P2RY14: variants seen among roughly 807,000 people sequenced by gnomAD.
P2RY14 encodes P2Y purinoceptor 14.
In P2RY14, 2 loss-of-function variants were observed where a neutral mutation model predicts 0.9. The observed-to-expected ratio is 2.16, with a 90% CI of 0.88 to 6.79. The LOEUF is 6.79. Ranked by LOEUF, P2RY14 falls within the 30% of genes most tolerant of loss-of-function variation. The pLI is 0.05. For missense variants in P2RY14, 378 were observed against 400.1 expected, an observed-to-expected ratio of 0.94 and a Z score of 0.47; for synonymous variants, 158 against 147.2, an observed-to-expected ratio of 1.07 and a Z score of -0.53.
At chr3:151,266,905 C>A (rs999379855) in intron 1 of P2RY14, among the ~76,000 whole-genome samples, 4 of 152,174 alleles carry the variant, frequency 2.6e-5, no homozygotes, top group East Asian at 1.9e-4. Context: ...CTTTTATAAA[C>A]CCCCACCTTC....
At position 151,274,445 on chromosome 3, in the gene P2RY14, G is replaced by A. The variant is rs537536578; in HGVS notation, c.-133+3842C>T. ...TGCTTATAGGCATATTTATAGTGGG[G>A]AAAGAGGCAGTGAAATCCTTGTGCA... is the stretch of plus-strand genomic sequence containing the variant. On this transcript the variant is annotated intron_variant, in intron 1 of 2. Coordinates refer to ENST00000309170, the MANE Select transcript of P2RY14 (RefSeq NM_014879.4). 3.9e-5 allele frequency among the ~76,000 whole-genome samples: 6 copies of A among 152,310 alleles called. No individual in the cohort carries two copies. In the South Asian group the frequency reaches 8.3e-4, roughly 21 times the overall value.
At chr3:151,272,052 A>G (rs952442616) in intron 1 of P2RY14, among the ~76,000 whole-genome samples, 1 of 152,242 alleles carries the variant, frequency 6.6e-6, no homozygotes. Flanking sequence ...TCTTGAAGCA[A>G]TACAGATGTT....
At chr3:151,273,370 G>T (rs1374673455) in intron 1 of P2RY14, among the ~76,000 whole-genome samples, 4 of 149,566 alleles carry the variant, frequency 2.7e-5, no homozygotes, top group Admixed American at 2.0e-4. Context: ...TGGGATTACA[G>T]GCACACACCA....
chr3:151,276,147 G>A (rs1465772224), intron 1 of P2RY14, among the ~76,000 whole-genome samples: 1 of 152,198 alleles, frequency 6.6e-6, no homozygotes, highest in Non-Finnish European at 1.5e-5. Context: ...CCAGGACATG[G>A]GGTCACCCAA....
At chr3:151,271,079 T>C (rs1429439801) in intron 1 of P2RY14, among the ~76,000 whole-genome samples, 3 of 150,130 alleles carry the variant, frequency 2.0e-5, no homozygotes, top group Non-Finnish European at 4.4e-5. Context: ...ATTAAGAAAA[T>C]GAAGGCAAGC....
Position 151,213,896 on chromosome 3 carries a change from GA to G in P2RY14, c.420del (p.Leu141CysfsTer3). 2 of 1,614,050 alleles carry G rather than the reference GA, an allele frequency of 1.2e-6. No individual in the cohort carries two copies. Among genetic ancestry groups the G allele is most frequent in the African/African-American group, 2.7e-5 (2 of 75,046 alleles). ...ATGAGCATCCATACTATCACTGACA[GA>G]AGTTTGCTGTAACTCACTGACTGGA... ...SFIQSVSYSK[L>X]LSVIVWMLML... On this transcript the variant is annotated frameshift_variant, in exon 3 of 3. Transcript: ENST00000309170. LOFTEE classifies it low-confidence loss of function (END_TRUNC).
At chr3:151,245,117 G>A (rs951153378) in intron 1 of P2RY14, among the ~76,000 whole-genome samples, 2 of 152,196 alleles carry the variant, frequency 1.3e-5, no homozygotes, top group Non-Finnish European at 2.9e-5. Context: ...TGAAATTGTG[G>A]CAATAACCAA....
intron 1 of P2RY14, among the ~76,000 whole-genome samples, chr3:151,266,650 A>T (rs956642250): frequency 6.6e-6 from 1 of 152,168 alleles, no homozygotes. Context: ...GAAGGAGTGG[A>T]TGAGCAAGTG....
chr3:151,269,176 G>A (rs1262858966), intron 1 of P2RY14, among the ~76,000 whole-genome samples: 1 of 152,156 alleles, frequency 6.6e-6, no homozygotes, highest in Non-Finnish European at 1.5e-5. Flanking sequence ...CAAGGTGGGT[G>A]GATCACCTGA....
At chr3:151,256,005 T>A (rs1177720882) in intron 1 of P2RY14, among the ~76,000 whole-genome samples, 1 of 152,230 alleles carries the variant, frequency 6.6e-6, no homozygotes, top group Non-Finnish European at 1.5e-5. Flanking sequence ...GGGTCTCTTT[T>A]TACTATGACA....
At chr3:151,248,268 A>C (rs761344809) in intron 1 of P2RY14, among the ~76,000 whole-genome samples, 1 of 152,018 alleles carries the variant, frequency 6.6e-6, no homozygotes, top group South Asian at 2.1e-4. Flanking sequence ...TTTAATTCCT[A>C]TTTCTTTCCT....
rs1727400065 is a variant in P2RY14 at position 151,212,833 on chromosome 3, A to T, written c.*467T>A. ...AAAAACCTGACTTTTTATTGCAAAC[A>T]GCTCTCTAGCCCTTCATCAAACTGT... is the stretch of plus-strand genomic sequence containing the variant. On this transcript the variant is annotated 3_prime_UTR_variant, in exon 3 of 3. Transcript: ENST00000309170. 1 of 152,048 alleles carries T rather than the reference A, an allele frequency of 6.6e-6. No individual in the cohort carries two copies. The allele number at this position is 152,048 out of a possible 1,614,324, so 9.4% of individuals were successfully genotyped here. A position where few individuals can be genotyped will look rare whatever the true frequency, so the allele number is the denominator to read the frequency against.
Position 151,253,999 on chromosome 3 carries a change from G to GTT in P2RY14, c.-133+24286_-133+24287dup, listed in dbSNP as rs11453294. ...CTTCTTTTTGTTTTGATTTTTTCTT[G>GTT]TTTTTTTTTTTTGTTAATTTAAACT... On this transcript the variant is annotated intron_variant, in intron 1 of 2. Coordinates refer to ENST00000309170, the MANE Select transcript of P2RY14 (RefSeq NM_014879.4). 9.9e-3 allele frequency among the ~76,000 whole-genome samples: 1,350 copies of GTT among 136,778 alleles called. 10 individuals are homozygous for GTT. The highest frequency in any genetic ancestry group is 0.015 in the South Asian group (62 of 4,266). 89.7% of individuals were successfully genotyped at this position (136,778 alleles called of 152,430 possible). A position where few individuals can be genotyped will look rare whatever the true frequency, so the allele number is the denominator to read the frequency against.
chr3:151,254,616 A>G (rs1737480404), intron 1 of P2RY14, among the ~76,000 whole-genome samples: 1 of 152,238 alleles, frequency 6.6e-6, no homozygotes, highest in South Asian at 2.1e-4. Flanking sequence ...GCTTAAAAGT[A>G]CTTTTGTGAA....
intron 1 of P2RY14, among the ~76,000 whole-genome samples, chr3:151,230,070 C>T (rs979025230): frequency 5.3e-5 from 8 of 151,710 alleles, no homozygotes; most frequent in Admixed American, 2.0e-4. Context: ...GCTGGGTTCA[C>T]GCCATTCTCC....
chr3:151,239,672 G>A (rs1733680438), intron 1 of P2RY14, among the ~76,000 whole-genome samples: 1 of 152,164 alleles, frequency 6.6e-6, no homozygotes, highest in Non-Finnish European at 1.5e-5. Flanking sequence ...GAGGTCCTCA[G>A]TAATTTTTTA....
At position 151,232,539 on chromosome 3, in the gene P2RY14, A is replaced by C. The variant is rs1299451754; in HGVS notation, c.-132-12897T>G. On this transcript the variant is annotated intron_variant, in intron 1 of 2. Coordinates refer to ENST00000309170, the MANE Select transcript of P2RY14 (RefSeq NM_014879.4). ...ATAGCAAAGACATGGAATCAACTTAAATGTCCATCAGTGACAGATTGGATA... is the reference window on the plus strand; with the variant it reads ...ATAGCAAAGACATGGAATCAACTTACATGTCCATCAGTGACAGATTGGATA... 2.0e-5 allele frequency among the ~76,000 whole-genome samples: 3 copies of C among 152,220 alleles called. No individual in the cohort carries two copies. The South Asian group carries it at 6.2e-4, about 32-fold the overall frequency.
rs1241772703 is a variant in P2RY14, at chr3:151,233,842, TA to T, written c.-132-14201del. On this transcript the variant is annotated intron_variant, in intron 1 of 2. Coordinates refer to ENST00000309170, the MANE Select transcript of P2RY14 (RefSeq NM_014879.4). ...CCATCCGCCTTTCTCCGCCTTGTGG[TA>T]ACTCTGTCCTGAATTGTGTGTTTTT... Among the ~76,000 whole-genome samples the T allele has an allele frequency of 2.0e-5, 3 of 152,378 alleles. No homozygotes were observed. The East Asian group carries it at 5.8e-4, about 29-fold the overall frequency.
chr3:151,275,903 G>A (rs570347559), intron 1 of P2RY14, among the ~76,000 whole-genome samples: 15 of 152,178 alleles, frequency 9.9e-5, no homozygotes, highest in South Asian at 2.1e-4. Flanking sequence ...TTAGTATTGC[G>A]GGGTGATGGT....
Sources: allele counts gnomAD v4.1 joint callset (sites outside exome capture counted in the v4.1 genomes callset), GRCh38; gene constraint gnomAD v4.1.1; transcripts MANE v1.5; gene names NCBI Gene and HGNC (gene_info 2026-07-23, HGNC 2026-07-21).